The following SRARP variants were observed in gnomAD, a reference collection of about 807,000 sequenced individuals.
The protein encoded by SRARP is steroid receptor associated and regulated protein.
In SRARP, 5 loss-of-function variants were observed where a neutral mutation model predicts 3.6. That is an observed-to-expected ratio of 1.39 (90% confidence interval 0.73 to 2.93). The LOEUF (loss-of-function observed/expected upper bound fraction) is 2.93, where lower values mean the gene tolerates loss of function less well. SRARP is among the 30% of genes most tolerant of loss of function. The pLI, the probability that SRARP is intolerant of heterozygous loss-of-function variation, is 0.00. For missense variants in SRARP, 215 were observed against 216.7 expected (o/e 0.99, Z 0.05); for synonymous variants, 96 against 91.6 (o/e 1.05, Z -0.27).
chr1:16,006,216 T>C lies in SRARP; in HGVS notation c.380T>C (p.Leu127Pro), dbSNP rs1428573243. The C allele has an allele frequency of 9.3e-6, 15 of 1,613,786 alleles. No individual in the cohort carries two copies. The Admixed American group carries it at 2.5e-4, about 27-fold the overall frequency. Residue 127 changes from leucine (L) to proline (P), a missense_variant, in exon 2 of 2, where the codon CTC becomes CCC. Coordinates refer to ENST00000329454, the MANE Select transcript of SRARP (RefSeq NM_178840.4). ...TCAGCTTCCTTCCCAGTCAGCCCGC[T>C]CTGCCCCCAGGAGGTTCCCGAGGCT... ...VASASFPVSPLCPQEVPEAKG... is the reference protein window; with the variant it reads ...VASASFPVSPPCPQEVPEAKG...
chr1:16,005,084 A>G lies in SRARP; in HGVS notation c.82+699A>G, dbSNP rs189037335. Among the ~76,000 whole-genome samples the G allele has an allele frequency of 2.2e-3, 339 of 152,258 alleles. 1 individual carries two copies. Among genetic ancestry groups the G allele is most frequent in the African/African-American group, 8.0e-3 (331 of 41,540 alleles). ...CGGGGGGATTGCCAGGGCAAATGCC[A>G]CCAGGTACTGATGGGATTCTCTGAG... On this transcript the variant is annotated intron_variant, in intron 1 of 1. Transcript: ENST00000329454.
Position 16,006,016 on chromosome 1 carries a change from C to T in SRARP, c.180C>T (p.Thr60=), listed in dbSNP as rs765096065. The T allele has an allele frequency of 8.1e-6, 13 of 1,613,768 alleles. No homozygotes were observed. Among genetic ancestry groups the T allele is most frequent in the African/African-American group, 5.3e-5 (4 of 74,926 alleles). Residue 60 remains threonine, a synonymous_variant, in exon 2 of 2, where the codon ACC becomes ACT. Transcript: ENST00000329454. ...THGKQLSLAA[T]ASPPQAPSPN... ...GGAAGCAGCTCTCCCTGGCAGCAAC[C>T]GCATCACCACCCCAAGCCCCCAGTC...
chr1:16,006,276 C>G lies in SRARP; in HGVS notation c.440C>G (p.Ser147Cys), dbSNP rs756304137. Residue 147 changes from serine (S) to cysteine (C), a missense_variant, in exon 2 of 2, where the codon TCT becomes TGT. Coordinates refer to ENST00000329454, the MANE Select transcript of SRARP (RefSeq NM_178840.4). ...CCCGTGAAGGCTGCGCCTGTGAGGT[C>G]TTCAACTTGGGGAACAGTCAAGGAC... is the stretch of plus-strand genomic sequence containing the variant. ...GKPVKAAPVR[S>C]STWGTVKDSL... The G allele has an allele frequency of 1.2e-6, 2 of 1,613,668 alleles. No homozygotes were observed. The highest frequency in any genetic ancestry group is 2.2e-5 in the East Asian group (1 of 44,898).
At position 16,006,495 on chromosome 1, in the gene SRARP, G is replaced by C; in HGVS notation, c.*149G>C. On this transcript the variant is annotated 3_prime_UTR_variant, in exon 2 of 2. Coordinates refer to ENST00000329454, the MANE Select transcript of SRARP (RefSeq NM_178840.4). Reference sequence around the variant, plus strand: ...TCTGAAACATCCGTCGAGTGGCAGAGGCAGGATAAGTCACCTGCACATGAA... The same window carrying C: ...TCTGAAACATCCGTCGAGTGGCAGACGCAGGATAAGTCACCTGCACATGAA... 1 of 847,768 alleles carries C rather than the reference G, an allele frequency of 1.2e-6. No homozygotes were observed. Among genetic ancestry groups the C allele is most frequent in the Non-Finnish European group, 1.8e-6 (1 of 558,292 alleles). 52.5% of individuals were successfully genotyped at this position (847,768 alleles called of 1,614,324 possible).
At chr1:16,005,264 C>A (rs1456000134) in intron 1 of SRARP, among the ~76,000 whole-genome samples, 2 of 152,182 alleles carry the variant, frequency 1.3e-5, no homozygotes, top group Non-Finnish European at 2.9e-5. Flanking sequence ...ATAATATGGT[C>A]CATGGACCAG....
Position 16,005,332 on chromosome 1 carries a change from C to T in SRARP, c.83-587C>T, listed in dbSNP as rs2073121128. Among the ~76,000 whole-genome samples the T allele has an allele frequency of 2.0e-5, 3 of 152,164 alleles. No homozygotes were observed. In the South Asian group the frequency reaches 6.2e-4, roughly 32 times the overall value. On this transcript the variant is annotated intron_variant, in intron 1 of 1. Coordinates refer to ENST00000329454, the MANE Select transcript of SRARP (RefSeq NM_178840.4). ...ACGCGAGTCTCAGGCCCCACCCCAGCCCCACTGCACCAGACTCTGCATTTT... is the reference window on the plus strand; with the variant it reads ...ACGCGAGTCTCAGGCCCCACCCCAGTCCCACTGCACCAGACTCTGCATTTT...
In SRARP at chr1:16,007,912, A is replaced by G. The variant is rs760690702; in HGVS notation, c.*1566A>G. 2.0e-5 allele frequency: 3 copies of G among 152,242 alleles called. No individual in the cohort carries two copies. The highest frequency in any genetic ancestry group is 6.5e-5 in the Admixed American group (1 of 15,286). The allele number at this position is 152,242 out of a possible 1,614,324, so 9.4% of individuals were successfully genotyped here. ...GGTTGAAGAATGGACTCAAAGTTCCATAGACTGGTACCATTGAGATTAGAA... is the reference window on the plus strand; with the variant it reads ...GGTTGAAGAATGGACTCAAAGTTCCGTAGACTGGTACCATTGAGATTAGAA... On this transcript the variant is annotated 3_prime_UTR_variant, in exon 2 of 2. Coordinates refer to ENST00000329454, the MANE Select transcript of SRARP (RefSeq NM_178840.4).
At position 16,006,738 on chromosome 1, in the gene SRARP, T is replaced by C. The variant is rs1166634077; in HGVS notation, c.*392T>C. ...CTGAAACAGGATGCTAGAGGGAGAG[T>C]GATTGGGGTGAAGACCTTTCCTGAT... On this transcript the variant is annotated 3_prime_UTR_variant, in exon 2 of 2. Transcript: ENST00000329454. The C allele has an allele frequency of 1.2e-5, 2 of 172,260 alleles. No homozygotes were observed. The highest frequency in any genetic ancestry group is 5.6e-5 in the Admixed American group (1 of 17,910). The allele number at this position is 172,260 out of a possible 1,614,324, so 10.7% of individuals were successfully genotyped here. A position where few individuals can be genotyped will look rare whatever the true frequency, so the allele number is the denominator to read the frequency against.
rs768486633 is a variant in SRARP, at chr1:16,008,708, G to A, written c.*2362G>A. The A allele has an allele frequency of 2.0e-5, 3 of 152,206 alleles. No homozygotes were observed. The highest frequency in any genetic ancestry group is 4.4e-5 in the Non-Finnish European group (3 of 68,060). The allele number at this position is 152,206 out of a possible 1,614,324, so 9.4% of individuals were successfully genotyped here. A position where few individuals can be genotyped will look rare whatever the true frequency, so the allele number is the denominator to read the frequency against. On this transcript the variant is annotated 3_prime_UTR_variant, in exon 2 of 2. Coordinates refer to ENST00000329454, the MANE Select transcript of SRARP (RefSeq NM_178840.4). ...AATCCCAGCTACTTGGGAAGCTGAG[G>A]TGAGAGAATTGCTTGAACCTAGAAG...
At position 16,007,185 on chromosome 1, in the gene SRARP, A is replaced by T. The variant is rs993826236; in HGVS notation, c.*839A>T. Reference sequence around the variant, plus strand: ...GAGTATCATGTTTGAACGAATGAAAACAAGACATGTTATTTATTGAGCATC... The same window carrying T: ...GAGTATCATGTTTGAACGAATGAAATCAAGACATGTTATTTATTGAGCATC... On this transcript the variant is annotated 3_prime_UTR_variant, in exon 2 of 2. Transcript: ENST00000329454. The T allele has an allele frequency of 7.2e-5, 11 of 151,846 alleles. No homozygotes were observed. Among genetic ancestry groups the T allele is most frequent in the African/African-American group, 2.7e-4 (11 of 41,284 alleles). 9.4% of individuals were successfully genotyped at this position (151,846 alleles called of 1,614,324 possible). A position where few individuals can be genotyped will look rare whatever the true frequency, so the allele number is the denominator to read the frequency against.
In SRARP at chr1:16,008,226, G is replaced by A. The variant is rs2073140691; in HGVS notation, c.*1880G>A. On this transcript the variant is annotated 3_prime_UTR_variant, in exon 2 of 2. Coordinates refer to ENST00000329454, the MANE Select transcript of SRARP (RefSeq NM_178840.4). ...CTGCAGGAAGTGATGCCGAAAATGA[G>A]ATCTGACCGGTGACTAAGCTATACA... 1 of 152,182 alleles carries A rather than the reference G, an allele frequency of 6.6e-6. No individual in the cohort carries two copies. Among genetic ancestry groups the A allele is most frequent in the African/African-American group, 2.4e-5 (1 of 41,434 alleles). The allele number at this position is 152,182 out of a possible 1,614,324, so 9.4% of individuals were successfully genotyped here.
intron 1 of SRARP, 85 bp from the exon 2 acceptor site, chr1:16,005,834 C>T: frequency 7.4e-7 from 1 of 1,357,148 alleles, no homozygotes; most frequent in Non-Finnish European, 1.0e-6. Flanking sequence ...TGACCTCCAG[C>T]CTGGGCGACA....
chr1:16,006,704 C>T lies in SRARP; in HGVS notation c.*358C>T, dbSNP rs1207014054. 1 of 200,272 alleles carries T rather than the reference C, an allele frequency of 5.0e-6. No homozygotes were observed. Among genetic ancestry groups the T allele is most frequent in the Non-Finnish European group, 1.0e-5 (1 of 98,344 alleles). 12.4% of individuals were successfully genotyped at this position (200,272 alleles called of 1,614,324 possible). A position where few individuals can be genotyped will look rare whatever the true frequency, so the allele number is the denominator to read the frequency against. On this transcript the variant is annotated 3_prime_UTR_variant, in exon 2 of 2. Transcript: ENST00000329454. ...ATGATTTTGAACAGCGATGAATGCT[C>T]TGCAGGAACTGAAACAGGATGCTAG...
At position 16,006,647 on chromosome 1, in the gene SRARP, GAATA is replaced by G. The variant is rs34643567; in HGVS notation, c.*308_*311del. On this transcript the variant is annotated 3_prime_UTR_variant, in exon 2 of 2. Transcript: ENST00000329454. ...TTTTGGGGTGGAGGGAACCCACCCT[GAATA>G]AATAAAGTAACCCAATAAATAAAGA... The G allele has an allele frequency of 0.19, 62,375 of 321,714 alleles. 8,053 individuals carry two copies. The highest frequency in any genetic ancestry group is 0.29 in the Admixed American group (6,625 of 22,464). 19.9% of individuals were successfully genotyped at this position (321,714 alleles called of 1,614,324 possible).
At chr1:16,004,439 G>T in intron 1 of SRARP, 54 bp downstream of exon 1, 1 of 1,460,434 alleles carries the variant, frequency 6.8e-7, no homozygotes, top group East Asian at 2.4e-5. Context: ...TGGGGGCCAG[G>T]TGCGGTGCCT....
Position 16,004,270 on chromosome 1 carries a change from C to G in SRARP, c.-34C>G. On this transcript the variant is annotated 5_prime_UTR_variant, in exon 1 of 2. Coordinates refer to ENST00000329454, the MANE Select transcript of SRARP (RefSeq NM_178840.4). The stretch of plus-strand genomic sequence containing the variant: ...AAGAGTGGCCTAGGACAGCTCCTCT[C>G]CTGCCAGAGCTAGGCAGGCGCCGAA... The G allele has an allele frequency of 1.3e-6, 2 of 1,535,370 alleles. No homozygotes were observed. The highest frequency in any genetic ancestry group is 1.8e-6 in the Non-Finnish European group (2 of 1,126,286).
intron 1 of SRARP, 138 bp downstream of exon 1, chr1:16,004,523 G>C (rs1485243888): frequency 4.5e-6 from 3 of 671,774 alleles, no homozygotes; most frequent in African/African-American, 1.9e-5. Context: ...GACCAGCTTG[G>C]CCAACATAGT....
At position 16,007,158 on chromosome 1, in the gene SRARP, T is replaced by C. The variant is rs1436859082; in HGVS notation, c.*812T>C. On this transcript the variant is annotated 3_prime_UTR_variant, in exon 2 of 2. Transcript: ENST00000329454. ...CAAAAGGGAGGGAGGTACTCAAAAA[T>C]AGAGTATCATGTTTGAACGAATGAA... 6.6e-6 allele frequency: 1 copy of C among 150,616 alleles called. No homozygotes were observed. The highest frequency in any genetic ancestry group is 1.5e-5 in the Non-Finnish European group (1 of 67,866). 9.3% of individuals were successfully genotyped at this position (150,616 alleles called of 1,614,324 possible).
chr1:16,006,053 CT>C lies in SRARP; in HGVS notation c.219del (p.Val74SerfsTer5). 6.2e-7 allele frequency: 1 copy of C among 1,614,100 alleles called. No individual in the cohort carries two copies. The highest frequency in any genetic ancestry group is 8.5e-7 in the Non-Finnish European group (1 of 1,180,000). Reference protein sequence around the residue: ...PPQAPSPNRGLVTPPMKTYIV... With the variant: ...PPQAPSPNRGXVTPPMKTYIV... ...CCAAGCCCCCAGTCCCAATCGAGGG[CT>C]TGTCACCCCACCAATGAAGACCTAC... On this transcript the variant is annotated frameshift_variant, in exon 2 of 2. Transcript: ENST00000329454. LOFTEE classifies it low-confidence loss of function (END_TRUNC).
Sources: gnomAD v4.1 joint callset for allele counts (sites outside exome capture counted in the v4.1 genomes callset) on GRCh38, gnomAD v4.1.1 for gene constraint, MANE v1.5 for transcripts, NCBI Gene and HGNC (gene_info 2026-07-23, HGNC 2026-07-21) for gene names.